The following LRRIQ4 variants were observed in gnomAD, a reference collection of about 807,000 sequenced individuals.
The protein encoded by LRRIQ4 is leucine-rich repeat and IQ domain-containing protein 4.
Under a neutral mutation model 40.1 loss-of-function variants are expected in LRRIQ4, and 21 were observed. The ratio of observed to expected loss-of-function variants is 0.52; its 90% CI spans 0.37 to 0.75. The LOEUF is 0.75. Ranked by LOEUF, LRRIQ4 falls within the 30% of genes least tolerant of loss-of-function variation. The pLI is 0.00. For missense variants in LRRIQ4, 655 were observed against 660.0 expected, an observed-to-expected ratio of 0.99 and a Z score of 0.08; for synonymous variants, 277 against 277.1, an observed-to-expected ratio of 1.00 and a Z score of 0.00.
chr3:169,834,924 T>C (rs1162421201), intron 5 of LRRIQ4, among the ~76,000 whole-genome samples: 1 of 152,106 alleles, frequency 6.6e-6, no homozygotes, highest in African/African-American at 2.4e-5. Context: ...CAAATTTTAA[T>C]AATTATTAGA....
At chr3:169,832,083 G>C (rs1273991259) in intron 4 of LRRIQ4, among the ~76,000 whole-genome samples, 1 of 152,024 alleles carries the variant, frequency 6.6e-6, no homozygotes, top group South Asian at 2.1e-4. Context: ...TTGGTCCCTG[G>C]AGGAGTGAAA....
In LRRIQ4 at chr3:169,821,770, T is replaced by A. The variant is rs186473859; in HGVS notation, c.-31-121T>A. Among the ~76,000 whole-genome samples, 559 of 152,266 alleles carry A rather than the reference T, an allele frequency of 3.7e-3. 4 individuals carry two copies. The highest frequency in any genetic ancestry group is 5.6e-3 in the Non-Finnish European group (382 of 68,024). ...GAAATGCAAAAACCTAAATTTTATGTTCTGTCATAATTTCAAGCACTAAGT... is the reference window on the plus strand; with the variant it reads ...GAAATGCAAAAACCTAAATTTTATGATCTGTCATAATTTCAAGCACTAAGT... On this transcript the variant is annotated intron_variant, in intron 1 of 5. Transcript: ENST00000340806.
intron 1 of LRRIQ4, among the ~76,000 whole-genome samples, chr3:169,820,766 TAGAC>T (rs1445709805): frequency 3.3e-5 from 5 of 152,240 alleles, no homozygotes; most frequent in Admixed American, 6.5e-5. Context: ...ATGTCTCACT[TAGAC>T]AGAGTTAAGC....
intron 2 of LRRIQ4, among the ~76,000 whole-genome samples, chr3:169,828,062 G>T (rs150015083): frequency 6.6e-6 from 1 of 152,126 alleles, no homozygotes; most frequent in African/African-American, 2.4e-5. Flanking sequence ...AATTATTAAA[G>T]CCTTTTAGGA....
At chr3:169,821,792 A>G in intron 1 of LRRIQ4, 99 bp from the exon 2 acceptor site, 1 of 593,310 alleles carries the variant, frequency 1.7e-6, no homozygotes, top group South Asian at 5.3e-5. Flanking sequence ...TTCAAGCACT[A>G]AGTTTAATCA....
rs978557203 is a variant in LRRIQ4, at chr3:169,830,570, G to A, written c.1273G>A (p.Val425Ile). ...CTTGGGGTCAATGCCTAACCTAGAA[G>A]TTCTTGATTGCCGGCACAATTTGCT... ...VSLGSMPNLE[V>I]LDCRHNLLKQ... Residue 425 changes from valine (V) to isoleucine (I), a missense_variant, in exon 4 of 6, where the codon GTT becomes ATT. Val to Ile is a conservative substitution (Grantham distance 29, BLOSUM62 3). Coordinates refer to ENST00000340806, the MANE Select transcript of LRRIQ4 (RefSeq NM_001080460.3). 6.2e-6 allele frequency: 10 copies of A among 1,613,762 alleles called. No individual in the cohort carries two copies. The East Asian group carries it at 1.6e-4, about 25-fold the overall frequency.
rs577108231 is a variant in LRRIQ4, at chr3:169,822,528, A to C, written c.607A>C (p.Ile203Leu). Residue 203 changes from isoleucine (I) to leucine (L), a missense_variant, in exon 2 of 6, where the codon ATC (isoleucine) becomes CTC (leucine). Ile to Leu is a conservative substitution (Grantham distance 5). Transcript: ENST00000340806. ...CCTGGACGAGAACAAAATAGGTGCCATCCCAGAAGAGATCGGACACCTGAC... is the reference window on the plus strand; with the variant it reads ...CCTGGACGAGAACAAAATAGGTGCCCTCCCAGAAGAGATCGGACACCTGAC... ...IDLDENKIGA[I>L]PEEIGHLTGL... The C allele has an allele frequency of 6.2e-7, 1 of 1,613,960 alleles. No homozygotes were observed. Among genetic ancestry groups the C allele is most frequent in the East Asian group, 2.2e-5 (1 of 44,888 alleles).
In LRRIQ4 at chr3:169,835,367, TG is replaced by T. The variant is rs1560616744; in HGVS notation, c.1531-2111del. On this transcript the variant is annotated intron_variant, in intron 5 of 5. Transcript: ENST00000340806. ...TTGTACTTTGAATTGTCTTTTTCTG[TG>T]TGTGTGTGTGTGTGTGTGTGTGTGT... 4.8e-4 allele frequency among the ~76,000 whole-genome samples: 71 copies of T among 149,076 alleles called. 1 individual carries two copies. Among genetic ancestry groups the T allele is most frequent in the African/African-American group, 1.0e-3 (41 of 40,886 alleles).
chr3:169,828,626 CA>C, intron 2 of LRRIQ4, 132 bp from the exon 3 acceptor site: 2 of 709,944 alleles, frequency 2.8e-6, no homozygotes, highest in Non-Finnish European at 4.7e-6. Flanking sequence ...GATATGTGCA[CA>C]AATTTTTCAC....
chr3:169,827,606 C>CAAAAA (rs59524627), intron 2 of LRRIQ4, among the ~76,000 whole-genome samples: 1 of 77,524 alleles, frequency 1.3e-5, no homozygotes, highest in Admixed American at 1.5e-4. Context: ...GACTCCGTCT[C>CAAAAA]AAAAAAAAAA....
chr3:169,833,139 A>G lies in LRRIQ4; in HGVS notation c.1486A>G (p.Lys496Glu). ...VCAEGNEAIW[K>E]YLKENRNRNI... Reference sequence around the variant, plus strand: ...TGCTGAAGGCAATGAGGCCATATGGAAATACCTCAAGGAAAACAGAAACAG... The same window carrying G: ...TGCTGAAGGCAATGAGGCCATATGGGAATACCTCAAGGAAAACAGAAACAG... The change falls in exon 5 of 6, where the codon AAA becomes GAA. Residue 496 changes from lysine (K) to glutamate (E), a missense_variant. Transcript: ENST00000340806. The G allele has an allele frequency of 6.2e-7, 1 of 1,613,852 alleles. No homozygotes were observed. Among genetic ancestry groups the G allele is most frequent in the South Asian group, 1.1e-5 (1 of 91,002 alleles).
In LRRIQ4 at chr3:169,830,589, A is replaced by G; in HGVS notation, c.1292A>G (p.Asn431Ser). The change falls in exon 4 of 6, where the codon AAT becomes AGT. Residue 431 changes from asparagine to serine, a missense_variant. Asn to Ser is a conservative substitution (Grantham distance 46). Coordinates refer to ENST00000340806, the MANE Select transcript of LRRIQ4 (RefSeq NM_001080460.3). ...CTAGAAGTTCTTGATTGCCGGCACA[A>G]TTTGCTTAAGCAACTTCCAGATGCC... ...PNLEVLDCRH[N>S]LLKQLPDAIC... 6.2e-7 allele frequency: 1 copy of G among 1,613,844 alleles called. No homozygotes were observed. Among genetic ancestry groups the G allele is most frequent in the Non-Finnish European group, 8.5e-7 (1 of 1,179,862 alleles).
chr3:169,836,724 G>A lies in LRRIQ4; in HGVS notation c.1531-755G>A, dbSNP rs558061062. On this transcript the variant is annotated intron_variant, in intron 5 of 5. Coordinates refer to ENST00000340806, the MANE Select transcript of LRRIQ4 (RefSeq NM_001080460.3). The stretch of plus-strand genomic sequence containing the variant: ...CAATCAAGCAAATCCTTGAAGCAGC[G>A]GAGGGGTGAGCCATCTGAATACTGA... Among the ~76,000 whole-genome samples the A allele has an allele frequency of 3.2e-4, 48 of 152,290 alleles. No individual in the cohort carries two copies. In the South Asian group the frequency reaches 4.6e-3, roughly 14 times the overall value.
Position 169,822,639 on chromosome 3 carries a change from G to C in LRRIQ4, c.718G>C (p.Asp240His), listed in dbSNP as rs747640686. The C allele has an allele frequency of 6.2e-7, 1 of 1,613,954 alleles. No individual in the cohort carries two copies. Among genetic ancestry groups the C allele is most frequent in the South Asian group, 1.1e-5 (1 of 91,082 alleles). The change falls in exon 2 of 6, where the codon GAT (aspartate) becomes CAT (histidine). Residue 240 changes from aspartate (D) to histidine (H), a missense_variant. Physicochemically the swap from Asp to His is moderately conservative, Grantham distance 81. Transcript: ENST00000340806. ...CCAGTGTAGCCAACTGTCGGTGCTCGATTTATCCCACAACCTCCTCCACTC... is the reference window on the plus strand; with the variant it reads ...CCAGTGTAGCCAACTGTCGGTGCTCCATTTATCCCACAACCTCCTCCACTC... ...LCQCSQLSVLDLSHNLLHSIP... is the reference protein window; with the variant it reads ...LCQCSQLSVLHLSHNLLHSIP...
chr3:169,813,975 T>A (rs9867813), intron 1 of LRRIQ4, among the ~76,000 whole-genome samples: 2,381 of 152,276 alleles, frequency 0.016, 68 homozygotes, highest in African/African-American at 0.054. Flanking sequence ...TTACAGCTGC[T>A]GAAGCAAAGC....
At chr3:169,817,436 T>C (rs1779790562) in intron 1 of LRRIQ4, among the ~76,000 whole-genome samples, 3 of 152,242 alleles carry the variant, frequency 2.0e-5, no homozygotes, top group African/African-American at 7.2e-5. Flanking sequence ...TCTGTAAATA[T>C]CTAGGTACAT....
intron 2 of LRRIQ4, among the ~76,000 whole-genome samples, chr3:169,825,945 C>T (rs1197784462): frequency 6.6e-6 from 1 of 152,168 alleles, no homozygotes; most frequent in Non-Finnish European, 1.5e-5. Context: ...TTTAAGCCAG[C>T]TCATTATCTC....
At chr3:169,823,503 A>G (rs901640378) in intron 2 of LRRIQ4, among the ~76,000 whole-genome samples, 4 of 152,010 alleles carry the variant, frequency 2.6e-5, no homozygotes, top group African/African-American at 7.2e-5. Flanking sequence ...ACCTGCCATC[A>G]TGCCCAGCTA....
At chr3:169,830,158 TA>T (rs1468630852) in intron 3 of LRRIQ4, among the ~76,000 whole-genome samples, 1 of 151,924 alleles carries the variant, frequency 6.6e-6, no homozygotes, top group East Asian at 1.9e-4. Flanking sequence ...AATTAGCTAT[TA>T]AAAAAGGAGT....
Sources: gnomAD v4.1 joint callset for allele counts (sites outside exome capture counted in the v4.1 genomes callset) on GRCh38, gnomAD v4.1.1 for gene constraint, MANE v1.5 for transcripts, NCBI Gene and HGNC (gene_info 2026-07-23, HGNC 2026-07-21) for gene names.